The following SERPINE2 variants were observed in gnomAD, a reference collection of about 807,000 sequenced individuals.
The protein encoded by SERPINE2 is serpin family E member 2, also known as glia-derived nexin.
In SERPINE2, 14 loss-of-function variants were observed where a neutral mutation model predicts 36.3. The ratio of observed to expected loss-of-function variants is 0.39; its 90% CI spans 0.25 to 0.60. The LOEUF (loss-of-function observed/expected upper bound fraction) is 0.60, where lower values mean the gene tolerates loss of function less well. Ranked by LOEUF, SERPINE2 falls within the 20% of genes least tolerant of loss-of-function variation. The pLI is 0.57. For synonymous variants in SERPINE2, 192 were observed against 191.8 expected (o/e 1.00, Z -0.01); for missense variants, 418 against 499.6 (o/e 0.84, Z 1.56).
chr2:223,995,225 C>A (rs1159805491), intron 3 of SERPINE2, among the ~76,000 whole-genome samples: 1 of 152,154 alleles, frequency 6.6e-6, no homozygotes, highest in Non-Finnish European at 1.5e-5. Context: ...AAAAGGCCTG[C>A]GCGTTGGGCT....
intron 5 of SERPINE2, 139 bp from the exon 6 acceptor site, chr2:223,982,920 C>A (rs1574810522): frequency 3.3e-6 from 2 of 598,138 alleles, no homozygotes; most frequent in East Asian, 6.1e-5. Context: ...AATTTGAATT[C>A]CAAATTTAAA....
chr2:223,996,613 A>G (rs775669990), intron 3 of SERPINE2, among the ~76,000 whole-genome samples: 2 of 152,192 alleles, frequency 1.3e-5, no homozygotes, highest in Admixed American at 6.5e-5. Flanking sequence ...GGCGATTCCA[A>G]TGCAGTGGGC....
At chr2:224,036,145 G>A (rs1035622127) in intron 1 of SERPINE2, among the ~76,000 whole-genome samples, 3 of 152,148 alleles carry the variant, frequency 2.0e-5, no homozygotes, top group Admixed American at 6.5e-5. Context: ...TGGAACACAG[G>A]AGCATGCTCA....
intron 1 of SERPINE2, among the ~76,000 whole-genome samples, chr2:224,036,913 C>T (rs187684455): frequency 1.1e-4 from 16 of 152,242 alleles, no homozygotes; most frequent in East Asian, 9.7e-4. Context: ...GAGAGAGGCA[C>T]TGGGAGTTGG....
chr2:224,011,689 C>T (rs568331594), intron 1 of SERPINE2, among the ~76,000 whole-genome samples: 5 of 152,096 alleles, frequency 3.3e-5, no homozygotes, highest in East Asian at 1.9e-4. Context: ...ATCCCTAGTA[C>T]GCATAAATAA....
intron 1 of SERPINE2, among the ~76,000 whole-genome samples, chr2:224,015,765 C>T (rs187016737): frequency 3.3e-5 from 5 of 152,180 alleles, no homozygotes; most frequent in East Asian, 1.9e-4. Flanking sequence ...TTTCATAAAA[C>T]GAAAAACTGA....
chr2:224,024,328 G>A (rs986887258), intron 1 of SERPINE2, among the ~76,000 whole-genome samples: 12 of 152,232 alleles, frequency 7.9e-5, no homozygotes, highest in South Asian at 2.1e-4. Flanking sequence ...CCTATCAAAC[G>A]AAAAAAGTTC....
At chr2:224,007,201 G>GA (rs1574835194) in intron 1 of SERPINE2, among the ~76,000 whole-genome samples, 5 of 152,334 alleles carry the variant, frequency 3.3e-5, no homozygotes, top group Non-Finnish European at 1.5e-5. Context: ...AGCTTGGTGG[G>GA]AAAAACCACT....
At chr2:223,996,518 T>C (rs1690893356) in intron 3 of SERPINE2, among the ~76,000 whole-genome samples, 1 of 152,152 alleles carries the variant, frequency 6.6e-6, no homozygotes, top group South Asian at 2.1e-4. Context: ...TCTTCACTAG[T>C]TCTGCTAATG....
At chr2:223,985,533 A>G (rs1439785593) in intron 4 of SERPINE2, among the ~76,000 whole-genome samples, 3 of 152,208 alleles carry the variant, frequency 2.0e-5, no homozygotes, top group Non-Finnish European at 4.4e-5. Flanking sequence ...CATTTTGGAT[A>G]AGCCTACATG....
chr2:224,015,883 G>C (rs374757556), intron 1 of SERPINE2, among the ~76,000 whole-genome samples: 5 of 152,166 alleles, frequency 3.3e-5, no homozygotes. Context: ...CTCCAATCAC[G>C]TATCTGTCAA....
chr2:224,004,162 T>C (rs1315787689), intron 1 of SERPINE2, among the ~76,000 whole-genome samples: 1 of 152,198 alleles, frequency 6.6e-6, no homozygotes, highest in African/African-American at 2.4e-5. Flanking sequence ...AAGAAAACGC[T>C]TGTGTTTAAT....
chr2:223,986,625 A>G (rs1690441742), intron 4 of SERPINE2, among the ~76,000 whole-genome samples: 2 of 152,190 alleles, frequency 1.3e-5, no homozygotes, highest in Non-Finnish European at 2.9e-5. Flanking sequence ...AGGGCATGAA[A>G]TAAGGACCTG....
intron 1 of SERPINE2, among the ~76,000 whole-genome samples, chr2:224,033,757 C>T (rs1364236443): frequency 6.6e-6 from 1 of 151,820 alleles, no homozygotes; most frequent in Non-Finnish European, 1.5e-5. Context: ...TGTAAAACCA[C>T]GAAATGCAGA....
At chr2:223,977,401 G>C in intron 8 of SERPINE2, 143 bp downstream of exon 8, 2 of 640,210 alleles carry the variant, frequency 3.1e-6, no homozygotes, top group Non-Finnish European at 5.8e-6. Context: ...CTTTAACATG[G>C]GTGGTTATAT....
chr2:224,002,332 T>A (rs1433966869), intron 1 of SERPINE2, among the ~76,000 whole-genome samples: 1 of 152,054 alleles, frequency 6.6e-6, no homozygotes, highest in African/African-American at 2.4e-5. Flanking sequence ...CATAATTGAA[T>A]GCCATGTGAA....
chr2:223,993,417 G>A (rs1473352133), intron 3 of SERPINE2, among the ~76,000 whole-genome samples: 2 of 151,594 alleles, frequency 1.3e-5, no homozygotes, highest in African/African-American at 4.8e-5. Context: ...ATTATTCTGA[G>A]GTCTTTGAAG....
intron 4 of SERPINE2, among the ~76,000 whole-genome samples, chr2:223,989,733 G>A (rs1051609757): frequency 4.6e-5 from 7 of 152,190 alleles, no homozygotes; most frequent in Non-Finnish European, 1.0e-4. Context: ...AGAAGGGTGA[G>A]CTAAGCTGTT....
At chr2:224,005,077 A>ATATATATATT (rs1691363301) in intron 1 of SERPINE2, among the ~76,000 whole-genome samples, 1 of 33,392 alleles carries the variant, frequency 3.0e-5, no homozygotes, top group Non-Finnish European at 8.4e-5. Flanking sequence ...ATATATATAT[A>ATATATATATT]TATATATATA....
Sources: allele counts gnomAD v4.1 joint callset (sites outside exome capture counted in the v4.1 genomes callset), GRCh38; gene constraint gnomAD v4.1.1; transcripts MANE v1.5; gene names NCBI Gene and HGNC (gene_info 2026-07-23, HGNC 2026-07-21).